CCDC3: variants seen among roughly 807,000 people sequenced by gnomAD.
CCDC3 encodes the protein coiled-coil domain containing 3.
Under a neutral mutation model 21.4 loss-of-function variants are expected in CCDC3, and 24 were observed. The observed-to-expected ratio is 1.12, with a 90% CI of 0.81 to 1.58. The LOEUF (loss-of-function observed/expected upper bound fraction) is 1.58, where lower values mean the gene tolerates loss of function less well. CCDC3 is among the 40% of genes most tolerant of loss of function. The pLI is 0.00. For missense variants in CCDC3, 425 were observed against 360.9 expected (o/e 1.18, Z -1.44); for synonymous variants, 186 against 166.0 (o/e 1.12, Z -0.93).
intron 2 of CCDC3, among the ~76,000 whole-genome samples, chr10:12,910,505 G>A (rs567699865): frequency 6.7e-5 from 10 of 149,240 alleles, no homozygotes; most frequent in Admixed American, 6.8e-5. Context: ...ACAATGATAC[G>A]TGTTTCTGCC....
intron 4 of CCDC3, chr10:13,073,853 A>G (rs1469392475): frequency 6.6e-6 from 1 of 152,108 alleles, no homozygotes; most frequent in Admixed American, 6.6e-5. Flanking sequence ...CAACAGGTCT[A>G]CCATTCCAAC....
intron 5 of CCDC3, among the ~76,000 whole-genome samples, chr10:13,013,298 GA>G (rs1160532056): frequency 6.6e-6 from 1 of 152,226 alleles, no homozygotes; most frequent in African/African-American, 2.4e-5. Flanking sequence ...GAGTGGACAT[GA>G]AAATTCTGAT....
chr10:13,087,992 C>A (rs1035501141), intron 3 of CCDC3, among the ~76,000 whole-genome samples: 3 of 152,178 alleles, frequency 2.0e-5, no homozygotes, highest in African/African-American at 7.2e-5. Context: ...GGTAAAAAGT[C>A]TTTGTGTGCG....
intron 2 of CCDC3, among the ~76,000 whole-genome samples, chr10:12,911,752 T>A (rs1834274418): frequency 6.6e-6 from 1 of 152,184 alleles, no homozygotes; most frequent in African/African-American, 2.4e-5. Flanking sequence ...GTCCATTAGA[T>A]CTCCTGAAGT....
At chr10:12,925,308 T>C (rs1296192808) in intron 2 of CCDC3, among the ~76,000 whole-genome samples, 2 of 152,216 alleles carry the variant, frequency 1.3e-5, no homozygotes, top group Admixed American at 1.3e-4. Context: ...ACTCTTGGCC[T>C]CTTTGGCTTA....
At chr10:12,911,803 C>G (rs956911028) in intron 2 of CCDC3, among the ~76,000 whole-genome samples, 4 of 152,174 alleles carry the variant, frequency 2.6e-5, no homozygotes, top group African/African-American at 7.2e-5. Flanking sequence ...TGAACAGCAT[C>G]TTCCAATACC....
Position 13,017,047 on chromosome 10 carries a change from G to A in CCDC3, c.-1-18535C>T, listed in dbSNP as rs192591636. ...TGAGCTAGGTCTGAGGTTGAGGAGC[G>A]CCTCGTACAAATGTGTTACTCTTTG... On this transcript the variant is annotated intron_variant, in intron 5 of 6. Coordinates refer to the CCDC3 transcript ENST00000378839. 2.2e-4 allele frequency among the ~76,000 whole-genome samples: 33 copies of A among 152,056 alleles called. No individual in the cohort carries two copies. The East Asian group carries it at 3.3e-3, about 15-fold the overall frequency.
intron 2 of CCDC3, among the ~76,000 whole-genome samples, chr10:12,951,506 G>C (rs1432123601): frequency 6.6e-6 from 1 of 152,100 alleles, no homozygotes; most frequent in East Asian, 1.9e-4. Flanking sequence ...GAAGTATCAG[G>C]CATCATTTAT....
chr10:13,001,555 G>A lies in CCDC3; in HGVS notation c.16C>T (p.Leu6=), dbSNP rs1835855754. ...CCCGCCAGGCAGAGCGCGGCGAGCAGCAGCTGGCGCAGCATGCCGGGCCCT... is the reference window on the plus strand; with the variant it reads ...CCCGCCAGGCAGAGCGCGGCGAGCAACAGCTGGCGCAGCATGCCGGGCCCT... MLRQL[L]LAALCLAGPP... is the part of the protein sequence containing the mutation. Residue 6 remains leucine, a synonymous_variant, in exon 1 of 3, where the codon CTG becomes TTG. Coordinates refer to ENST00000378825, the MANE Select transcript of CCDC3 (RefSeq NM_031455.4). 1.6e-6 allele frequency: 2 copies of A among 1,253,476 alleles called. No individual in the cohort carries two copies. Among genetic ancestry groups the A allele is most frequent in the Non-Finnish European group, 2.0e-6 (2 of 1,000,430 alleles). The allele number at this position is 1,253,476 out of a possible 1,614,324, so 77.6% of individuals were successfully genotyped here. A position where few individuals can be genotyped will look rare whatever the true frequency, so the allele number is the denominator to read the frequency against.
intron 3 of CCDC3, among the ~76,000 whole-genome samples, chr10:13,080,384 A>C (rs958803052): frequency 6.6e-6 from 1 of 152,250 alleles, no homozygotes; most frequent in Non-Finnish European, 1.5e-5. Flanking sequence ...AAAATGTTAC[A>C]AAAGAGAATT....
chr10:13,007,201 C>T (rs1018306045), intron 5 of CCDC3, among the ~76,000 whole-genome samples: 3 of 152,100 alleles, frequency 2.0e-5, no homozygotes, highest in African/African-American at 7.2e-5. Context: ...ACCTCTGGGT[C>T]ATCTTGTGGA....
chr10:13,083,525 C>A (rs571003768), intron 3 of CCDC3, among the ~76,000 whole-genome samples: 2 of 152,346 alleles, frequency 1.3e-5, no homozygotes, highest in Non-Finnish European at 2.9e-5. Context: ...TAAGCCCTAT[C>A]CTATGTAGCT....
At chr10:13,063,904 T>C (rs1415951717) in intron 4 of CCDC3, among the ~76,000 whole-genome samples, 1 of 151,948 alleles carries the variant, frequency 6.6e-6, no homozygotes, top group African/African-American at 2.4e-5. Context: ...TCATTCTTAG[T>C]GTGAGTCGTT....
upstream of CCDC3, among the ~76,000 whole-genome samples, chr10:13,006,619 A>G (rs1200958890): frequency 6.6e-6 from 1 of 152,194 alleles, no homozygotes; most frequent in Non-Finnish European, 1.5e-5. Context: ...CAACAATAAA[A>G]GCCATCACCC....
chr10:12,967,395 T>C (rs1469901519), intron 2 of CCDC3, among the ~76,000 whole-genome samples: 1 of 152,168 alleles, frequency 6.6e-6, no homozygotes, highest in East Asian at 1.9e-4. Flanking sequence ...TTATGTTCAA[T>C]GAACCTCAAA....
chr10:12,935,019 C>G (rs565894109), intron 2 of CCDC3, among the ~76,000 whole-genome samples: 39 of 151,992 alleles, frequency 2.6e-4, no homozygotes, highest in African/African-American at 9.2e-4. Context: ...TCAAGCAGTC[C>G]TCCTGAGTAG....
At chr10:12,942,419 T>TGGAGCTG (rs1184738655) in intron 2 of CCDC3, among the ~76,000 whole-genome samples, 2 of 152,214 alleles carry the variant, frequency 1.3e-5, no homozygotes, top group East Asian at 3.9e-4. Flanking sequence ...CAAAGTCATT[T>TGGAGCTG]CTTTTCTAAG....
intron 3 of CCDC3, among the ~76,000 whole-genome samples, chr10:13,091,561 AG>A (rs1832570612): frequency 6.6e-6 from 1 of 152,192 alleles, no homozygotes; most frequent in Admixed American, 6.5e-5. Flanking sequence ...TATAACAGCC[AG>A]GATGGACAAA....
chr10:12,989,848 G>T (rs1389327283), intron 2 of CCDC3, among the ~76,000 whole-genome samples: 1 of 152,082 alleles, frequency 6.6e-6, no homozygotes, highest in African/African-American at 2.4e-5. Context: ...AAGTTAAACT[G>T]CCAGCCTCAT....
Sources: gnomAD v4.1 joint callset for allele counts (sites outside exome capture counted in the v4.1 genomes callset) on GRCh38, gnomAD v4.1.1 for gene constraint, MANE v1.5 for transcripts, NCBI Gene and HGNC (gene_info 2026-07-23, HGNC 2026-07-21) for gene names.